GLT1D1: variants seen among roughly 807,000 people sequenced by gnomAD.
GLT1D1 encodes the protein glycosyltransferase 1 domain-containing protein 1.
A neutral mutation model predicts 28.7 loss-of-function variants in GLT1D1; 21 were observed. That is an observed-to-expected ratio of 0.73 (90% CI 0.52 to 1.05). GLT1D1 has a LOEUF of 1.05. GLT1D1 is among the 50% of genes least tolerant of loss of function. The probability of loss-of-function intolerance (pLI) is 0.00; values close to 1 mark genes in which losing one functional copy is unlikely to be tolerated. For synonymous variants in GLT1D1, 147 were observed against 124.8 expected, an observed-to-expected ratio of 1.18 and a Z score of -1.19; for missense variants, 343 against 330.6, an observed-to-expected ratio of 1.04 and a Z score of -0.29.
At chr12:128,906,835 G>T in intron 4 of GLT1D1, 1 of 687,072 alleles carries the variant, frequency 1.5e-6, no homozygotes, top group South Asian at 1.5e-5. Context: ...TGCTGTGTTA[G>T]GCAAAACCTA....
At chr12:128,948,633 T>A (rs1358414180) in intron 6 of GLT1D1, among the ~76,000 whole-genome samples, 1 of 152,230 alleles carries the variant, frequency 6.6e-6, no homozygotes, top group African/African-American at 2.4e-5. Flanking sequence ...TATGTCAGTG[T>A]CTACTTAGGT....
At chr12:128,903,656 A>G (rs1870540608) in intron 4 of GLT1D1, among the ~76,000 whole-genome samples, 1 of 151,766 alleles carries the variant, frequency 6.6e-6, no homozygotes, top group Non-Finnish European at 1.5e-5. Context: ...ATACTGTCTC[A>G]GGCCCGGTGA....
At chr12:128,961,987 T>G (rs1204464307) in intron 7 of GLT1D1, among the ~76,000 whole-genome samples, 2 of 152,182 alleles carry the variant, frequency 1.3e-5, no homozygotes, top group Non-Finnish European at 2.9e-5. Flanking sequence ...TTCCTGACAC[T>G]TGTGTCCTAC....
rs772550626 is a variant in GLT1D1 at position 128,957,694 on chromosome 12, C to T, written c.639+51C>T. Reference sequence around the variant, plus strand: ...TCACTCACCTTATCTGAATAGTTTTCCTCTATGTTTAATGGAGAGATTCTT... The same window carrying T: ...TCACTCACCTTATCTGAATAGTTTTTCTCTATGTTTAATGGAGAGATTCTT... On this transcript the variant is annotated intron_variant, in intron 7 of 7. Transcript: ENST00000281703. The T allele has an allele frequency of 6.8e-6, 8 of 1,179,738 alleles. 1 individual carries two copies. The South Asian group carries it at 8.7e-5, about 13-fold the overall frequency. The allele number at this position is 1,179,738 out of a possible 1,614,324, so 73.1% of individuals were successfully genotyped here.
chr12:128,903,683 T>A (rs910325961), intron 4 of GLT1D1, among the ~76,000 whole-genome samples: 2 of 151,702 alleles, frequency 1.3e-5, no homozygotes, highest in African/African-American at 2.4e-5. Flanking sequence ...TTTAAATTGA[T>A]TGATTAGGAA....
At chr12:128,911,335 C>T (rs1871503342) in intron 4 of GLT1D1, among the ~76,000 whole-genome samples, 1 of 152,222 alleles carries the variant, frequency 6.6e-6, no homozygotes, top group Non-Finnish European at 1.5e-5. Flanking sequence ...GGCAGGGCTA[C>T]TTCACTTTAG....
chr12:128,926,144 G>A lies in GLT1D1; in HGVS notation c.376-19182G>A, dbSNP rs1234510978. Among the ~76,000 whole-genome samples, 15 of 151,082 alleles carry A rather than the reference G, an allele frequency of 9.9e-5. No individual in the cohort carries two copies. In the East Asian group the frequency reaches 2.5e-3, roughly 25 times the overall value. ...GGAGGAGGTTGCAGTGAGCCGAGCC[G>A]AGATTGCACCACTGCACTCAGCCTG... On this transcript the variant is annotated intron_variant, in intron 4 of 7. Transcript: ENST00000281703.
chr12:128,914,838 GTAA>G (rs910582635), intron 4 of GLT1D1, 92 bp from the exon 6 acceptor site: 216 of 845,800 alleles, frequency 2.6e-4, no homozygotes, highest in Non-Finnish European at 3.2e-4. Flanking sequence ...AAGAATAATA[GTAA>G]TAATAATAAT....
In GLT1D1 at chr12:128,930,243, A is replaced by G. The variant is rs568652754; in HGVS notation, c.376-15083A>G. ...ATTTTTCTGTTTGAAGAACATTGAAAGAAAAACTTCTAGTTTGATGCTAAA... is the reference window on the plus strand; with the variant it reads ...ATTTTTCTGTTTGAAGAACATTGAAGGAAAAACTTCTAGTTTGATGCTAAA... On this transcript the variant is annotated intron_variant, in intron 4 of 7. Transcript: ENST00000281703. 7.9e-5 allele frequency: 12 copies of G among 152,348 alleles called. No individual in the cohort carries two copies. In the East Asian group the frequency reaches 2.3e-3, roughly 29 times the overall value. 9.4% of individuals were successfully genotyped at this position (152,348 alleles called of 1,614,324 possible).
chr12:128,967,686 C>T (rs1046796692), intron 7 of GLT1D1, among the ~76,000 whole-genome samples: 3 of 152,230 alleles, frequency 2.0e-5, no homozygotes, highest in Admixed American at 6.5e-5. Flanking sequence ...GAGAAATTCC[C>T]GTCTCACTCT....
At chr12:128,891,299 G>A (rs917767102) in intron 3 of GLT1D1, among the ~76,000 whole-genome samples, 4 of 152,150 alleles carry the variant, frequency 2.6e-5, no homozygotes, top group South Asian at 2.1e-4. Context: ...GGGCTTCCTC[G>A]GGGTTTGGCT....
At chr12:128,879,378 TTTTCTTTCTTTCTTTCTTTCTTTC>T (rs572806857) in intron 2 of GLT1D1, among the ~76,000 whole-genome samples, 786 of 69,976 alleles carry the variant, frequency 0.011, 33 homozygotes, top group Middle Eastern at 0.022. Flanking sequence ...ATTTTTTTCT[TTTTCTTTCTTTCTTTCTTTCTTTC>T]TTTCTTTCTT....
At chr12:128,915,013 G>C in intron 4 of GLT1D1, 24 bp downstream of exon 6, 6 of 1,516,536 alleles carry the variant, frequency 4.0e-6, no homozygotes, top group Non-Finnish European at 5.3e-6. Flanking sequence ...TCTTCTTAGA[G>C]GATTTTGATG....
intron 6 of GLT1D1, among the ~76,000 whole-genome samples, chr12:128,950,696 A>C (rs1438749840): frequency 6.6e-6 from 1 of 152,214 alleles, no homozygotes; most frequent in Non-Finnish European, 1.5e-5. Flanking sequence ...GAACAGAGGC[A>C]CTGTCTCTGT....
intron 7 of GLT1D1, 58 bp from the exon 12 acceptor site, chr12:128,982,871 A>C (rs1331416662): frequency 1.2e-5 from 18 of 1,541,098 alleles, no homozygotes; most frequent in Non-Finnish European, 1.5e-5. Context: ...TCTTGGGTGC[A>C]TTTGCAAAAT....
intron 1 of GLT1D1, among the ~76,000 whole-genome samples, chr12:128,864,838 G>T (rs1363115200): frequency 6.6e-6 from 1 of 152,140 alleles, no homozygotes; most frequent in Non-Finnish European, 1.5e-5. Context: ...GAGGCCCAGA[G>T]GCCTGCATGT....
At chr12:128,982,162 C>A (rs368614351) in intron 7 of GLT1D1, among the ~76,000 whole-genome samples, 29 of 152,072 alleles carry the variant, frequency 1.9e-4, no homozygotes, top group African/African-American at 6.5e-4. Flanking sequence ...AGCTGAGCCG[C>A]GGGAGGAAAG....
At chr12:128,938,780 C>T (rs1487522119) in intron 4 of GLT1D1, among the ~76,000 whole-genome samples, 1 of 152,142 alleles carries the variant, frequency 6.6e-6, no homozygotes, top group African/African-American at 2.4e-5. Flanking sequence ...TGTGTTTAGA[C>T]CCTCTGCCTG....
intron 4 of GLT1D1, among the ~76,000 whole-genome samples, chr12:128,901,595 C>T (rs1593105593): frequency 6.6e-6 from 1 of 151,884 alleles, no homozygotes. Flanking sequence ...CACCACAACG[C>T]CCTGCTAATT....
Sources: allele counts gnomAD v4.1 joint callset (sites outside exome capture counted in the v4.1 genomes callset), GRCh38; gene constraint gnomAD v4.1.1; transcripts MANE v1.5; gene names NCBI Gene and HGNC (gene_info 2026-07-23, HGNC 2026-07-21).